LINGO2: variants seen among roughly 807,000 people sequenced by gnomAD.
The protein encoded by LINGO2 is leucine-rich repeat and immunoglobulin-like domain-containing nogo receptor-interacting protein 2.
Under a neutral mutation model 30.6 loss-of-function variants are expected in LINGO2, and 14 were observed. The ratio of observed to expected loss-of-function variants is 0.46; its 90% CI spans 0.30 to 0.72. The LOEUF is 0.72. Ranked by LOEUF, LINGO2 falls within the 30% of genes least tolerant of loss-of-function variation. The pLI is 0.07. For synonymous variants in LINGO2, 317 were observed against 288.5 expected, an observed-to-expected ratio of 1.10 and a Z score of -1.00; for missense variants, 729 against 751.7, an observed-to-expected ratio of 0.97 and a Z score of 0.35.
chr9:28,380,169 T>C (rs7028019), intron 2 of LINGO2, among the ~76,000 whole-genome samples: 145,456 of 152,074 alleles, frequency 0.96, 69,738 homozygotes, highest in Non-Finnish European at 0.99. Flanking sequence ...CCTTAAGAAA[T>C]AGCCAATCCA....
At chr9:28,759,823 T>C in the LINGO2 span, among the ~76,000 whole-genome samples, 2 of 151,950 alleles carry the variant, frequency 1.3e-5, no homozygotes, top group Non-Finnish European at 2.9e-5. Flanking sequence ...TGGAGAGCAA[T>C]ATAGCTTCTA....
chr9:29,212,162 C>G, the LINGO2 span, among the ~76,000 whole-genome samples: 1 of 152,168 alleles, frequency 6.6e-6, no homozygotes, highest in Non-Finnish European at 1.5e-5. Context: ...GCACAGCTTT[C>G]CAGAGCTCAG....
chr9:28,251,057 G>T lies in LINGO2; in HGVS notation c.-87+44151C>A, dbSNP rs889836628. ...TAAGGGTACATTCAAATTTTAAAAA[G>T]AAAAAAAAAATTAATTTTCCTTAAT... On this transcript the variant is annotated intron_variant, in intron 4 of 5. Transcript: ENST00000379992. Among the ~76,000 whole-genome samples, 26 of 149,958 alleles carry T rather than the reference G, an allele frequency of 1.7e-4. 1 individual carries two copies. Among genetic ancestry groups the T allele is most frequent in the Admixed American group, 1.5e-3 (22 of 15,072 alleles).
intron 2 of LINGO2, among the ~76,000 whole-genome samples, chr9:28,384,680 T>C (rs1351092399): frequency 2.2e-4 from 34 of 152,070 alleles, no homozygotes; most frequent in Admixed American, 2.2e-3. Context: ...GCAATATTTA[T>C]AACAGTTTAT....
At chr9:29,156,984 C>A in the LINGO2 span, among the ~76,000 whole-genome samples, 3 of 151,874 alleles carry the variant, frequency 2.0e-5, no homozygotes, top group Admixed American at 1.3e-4. Context: ...CTTACGCAAG[C>A]AAAGTAATCT....
At chr9:28,732,440 T>C in the LINGO2 span, among the ~76,000 whole-genome samples, 2 of 151,706 alleles carry the variant, frequency 1.3e-5, no homozygotes, top group Non-Finnish European at 2.9e-5. Flanking sequence ...ATCCACAATG[T>C]GGGAGCACTC....
intron 1 of LINGO2, among the ~76,000 whole-genome samples, chr9:28,633,202 C>A (rs62548192): frequency 0.07 from 10,642 of 152,032 alleles, 533 homozygotes; most frequent in Admixed American, 0.18. Flanking sequence ...AGCCCACTGA[C>A]TCAAATGTGA....
intron 2 of LINGO2, among the ~76,000 whole-genome samples, chr9:28,470,943 ATT>A (rs1461026104): frequency 6.7e-6 from 1 of 148,178 alleles, no homozygotes. Flanking sequence ...TAACATATAT[ATT>A]ATACATAATT....
At chr9:28,100,443 T>C (rs1826379562) in intron 4 of LINGO2, among the ~76,000 whole-genome samples, 1 of 152,074 alleles carries the variant, frequency 6.6e-6, no homozygotes, top group Non-Finnish European at 1.5e-5. Context: ...AATGCTAACA[T>C]GGAGATTTGA....
chr9:28,049,287 T>G (rs1356997995), intron 4 of LINGO2, among the ~76,000 whole-genome samples: 1 of 150,886 alleles, frequency 6.6e-6, no homozygotes, highest in Non-Finnish European at 1.5e-5. Flanking sequence ...TCAGCCCTGT[T>G]GGTCTAGTGG....
chr9:28,715,679 G>A, the LINGO2 span, among the ~76,000 whole-genome samples: 2 of 152,144 alleles, frequency 1.3e-5, no homozygotes, highest in Admixed American at 6.5e-5. Context: ...AAGAAGCTAT[G>A]CCACTGTTAA....
chr9:29,091,831 C>T, the LINGO2 span, among the ~76,000 whole-genome samples: 1 of 151,880 alleles, frequency 6.6e-6, no homozygotes. Flanking sequence ...TGTATTAGGC[C>T]CCATAGACAT....
chr9:28,938,205 C>T, the LINGO2 span, among the ~76,000 whole-genome samples: 1 of 152,124 alleles, frequency 6.6e-6, no homozygotes, highest in Non-Finnish European at 1.5e-5. Flanking sequence ...GCTGGAGTCA[C>T]CCATTTATTA....
chr9:28,039,508 T>G (rs945558103), intron 4 of LINGO2, among the ~76,000 whole-genome samples: 2 of 151,374 alleles, frequency 1.3e-5, no homozygotes, highest in African/African-American at 2.4e-5. Context: ...GTGTAACAGG[T>G]GTGTGTGTGT....
At chr9:28,658,352 A>G (rs1326565877) in intron 1 of LINGO2, among the ~76,000 whole-genome samples, 1 of 151,920 alleles carries the variant, frequency 6.6e-6, no homozygotes, top group Non-Finnish European at 1.5e-5. Flanking sequence ...GTCTCCTACT[A>G]TTATTGTGGA....
chr9:28,726,352 GCAA>G, the LINGO2 span, among the ~76,000 whole-genome samples: 2 of 152,086 alleles, frequency 1.3e-5, no homozygotes, highest in Non-Finnish European at 1.5e-5. Context: ...ATAATAAGTT[GCAA>G]CAAGTAGACA....
chr9:28,403,589 C>T (rs527927787), intron 2 of LINGO2, among the ~76,000 whole-genome samples: 3 of 152,034 alleles, frequency 2.0e-5, no homozygotes, highest in Non-Finnish European at 4.4e-5. Context: ...CGAGGCCCTA[C>T]CCTGTTCTCA....
At chr9:28,490,664 A>G (rs1826359502) in intron 1 of LINGO2, among the ~76,000 whole-genome samples, 2 of 152,200 alleles carry the variant, frequency 1.3e-5, no homozygotes, top group African/African-American at 4.8e-5. Context: ...GTCCTACCTA[A>G]TGGCCAATAT....
the LINGO2 span, among the ~76,000 whole-genome samples, chr9:28,992,816 C>A: frequency 2.0e-5 from 3 of 151,956 alleles, no homozygotes; most frequent in East Asian, 5.8e-4. Context: ...TTGAAACCAA[C>A]GAGAACGAAG....
Sources: allele counts gnomAD v4.1 joint callset (sites outside exome capture counted in the v4.1 genomes callset), GRCh38; gene constraint gnomAD v4.1.1; transcripts MANE v1.5; gene names NCBI Gene and HGNC (gene_info 2026-07-23, HGNC 2026-07-21).